GRPR: variants seen among roughly 807,000 people sequenced by gnomAD.
The protein encoded by GRPR is gastrin-releasing peptide receptor.
In GRPR, 4 loss-of-function variants were observed where a neutral mutation model predicts 15.6. The ratio of observed to expected loss-of-function variants is 0.26; its 90% CI spans 0.13 to 0.59. The LOEUF is 0.59. Ranked by LOEUF, GRPR falls within the 20% of genes least tolerant of loss-of-function variation. GRPR has a pLI of 0.90. For missense variants in GRPR, 270 were observed against 304.1 expected (o/e 0.89, Z 0.83); for synonymous variants, 128 against 126.8 (o/e 1.01, Z -0.06).
chrX:16,142,056 C>A (rs1373311614), intron 1 of GRPR, among the ~76,000 whole-genome samples: 1 of 111,851 alleles, frequency 8.9e-6, no homozygotes, highest in Non-Finnish European at 1.9e-5. Context: ...CCAAACCCCA[C>A]AGATTGTAGA....
intron 2 of GRPR, among the ~76,000 whole-genome samples, chrX:16,151,131 A>T (rs1211574999): frequency 8.9e-6 from 1 of 111,806 alleles, no homozygotes; most frequent in African/African-American, 3.2e-5. Context: ...CGCATGATGT[A>T]TTCAGCCTCT....
intron 1 of GRPR, among the ~76,000 whole-genome samples, chrX:16,125,162 GT>G (rs757859044): frequency 8.9e-6 from 1 of 112,463 alleles, no homozygotes; most frequent in Non-Finnish European, 1.9e-5. Flanking sequence ...TTGCATAAAA[GT>G]TTACGTTTAT....
At chrX:16,147,969 C>T (rs1439391154) in intron 1 of GRPR, among the ~76,000 whole-genome samples, 1 of 112,288 alleles carries the variant, frequency 8.9e-6, no homozygotes, top group Non-Finnish European at 1.9e-5. Flanking sequence ...TTCTTGCCTA[C>T]ATTCTAAGCT....
At chrX:16,142,958 C>T (rs1922551450) in intron 1 of GRPR, among the ~76,000 whole-genome samples, 2 of 110,415 alleles carry the variant, frequency 1.8e-5, no homozygotes, top group Non-Finnish European at 3.8e-5. Flanking sequence ...GCCTCCTTCT[C>T]TCCTATCCTC....
chrX:16,137,761 G>C (rs1206225921), intron 1 of GRPR, among the ~76,000 whole-genome samples: 3 of 111,583 alleles, frequency 2.7e-5, no homozygotes. Context: ...TGTGTGACTG[G>C]GAGCATGGCA....
intron 1 of GRPR, among the ~76,000 whole-genome samples, chrX:16,141,819 C>G (rs899299180): frequency 8.9e-6 from 1 of 112,029 alleles, no homozygotes; most frequent in Non-Finnish European, 1.9e-5. Flanking sequence ...AACTGAGGCT[C>G]ACCCACATCA....
Position 16,123,887 on chromosome X carries a change from G to T in GRPR, c.-67G>T. 1.1e-6 allele frequency: 1 copy of T among 901,394 alleles called. No individual in the cohort carries two copies. 74.3% of individuals were successfully genotyped at this position (901,394 alleles called of 1,213,427 possible). A position where few individuals can be genotyped will look rare whatever the true frequency, so the allele number is the denominator to read the frequency against. ...ATAGATCTTATCTTCATCTTCACTC[G>T]GTTGCAAAATCAATAGTTAAGAAAT... On this transcript the variant is annotated 5_prime_UTR_variant, in exon 1 of 3. Transcript: ENST00000380289.
Position 16,152,800 on chromosome X carries a change from A to G in GRPR, c.*155A>G, listed in dbSNP as rs1196707931. On this transcript the variant is annotated 3_prime_UTR_variant, in exon 3 of 3. Coordinates refer to ENST00000380289, the MANE Select transcript of GRPR (RefSeq NM_005314.3). ...GGGGAGGCCCAAATGATGGATCACC[A>G]TTATATTTTGAAAGAAGCCATCAAG... 8 of 493,506 alleles carry G rather than the reference A, an allele frequency of 1.6e-5. No homozygotes were observed. In the South Asian group the frequency reaches 2.2e-4, roughly 13 times the overall value. The allele number at this position is 493,506 out of a possible 1,213,427, so 40.7% of individuals were successfully genotyped here. A position where few individuals can be genotyped will look rare whatever the true frequency, so the allele number is the denominator to read the frequency against.
chrX:16,147,750 A>G (rs1295697040), intron 1 of GRPR, among the ~76,000 whole-genome samples: 1 of 112,399 alleles, frequency 8.9e-6, no homozygotes, highest in East Asian at 2.8e-4. Flanking sequence ...GATTCCTAAA[A>G]GAGAAGGACG....
At chrX:16,152,123 T>G (rs757119641) in intron 2 of GRPR, 133 bp from the exon 3 acceptor site, 1 of 575,218 alleles carries the variant, frequency 1.7e-6, no homozygotes, top group Admixed American at 2.4e-5. Flanking sequence ...TCTTTTTCGG[T>G]GGCTTTGTGA....
At chrX:16,147,876 T>G in intron 1 of GRPR, among the ~76,000 whole-genome samples, 1 of 111,594 alleles carries the variant, frequency 9.0e-6, no homozygotes, top group Non-Finnish European at 1.9e-5. Flanking sequence ...TCATTTTATC[T>G]CTAACAAATT....
chrX:16,142,664 AT>A (rs1243183149), intron 1 of GRPR, among the ~76,000 whole-genome samples: 3 of 111,620 alleles, frequency 2.7e-5, no homozygotes, highest in Non-Finnish European at 3.8e-5. Context: ...ATGTAGGTGT[AT>A]GTTCAATTTG....
At chrX:16,149,139 G>A (rs2353577) in intron 1 of GRPR, among the ~76,000 whole-genome samples, 46,672 of 110,879 alleles carry the variant, frequency 0.42, 8,330 homozygotes, top group African/African-American at 0.68. Flanking sequence ...TTTGTTCCTA[G>A]GCTTCCTGTT....
At chrX:16,127,040 G>A (rs1366910059) in intron 1 of GRPR, among the ~76,000 whole-genome samples, 1 of 111,326 alleles carries the variant, frequency 9.0e-6, no homozygotes, top group Non-Finnish European at 1.9e-5. Context: ...TAGGTAGATT[G>A]GTGAAAAAGT....
At chrX:16,139,995 C>G (rs17216963) in intron 1 of GRPR, among the ~76,000 whole-genome samples, 24,767 of 111,281 alleles carry the variant, frequency 0.22, 2,744 homozygotes, top group Middle Eastern at 0.35. Context: ...AGACAACATG[C>G]TTTCACAAAA....
rs1922740174 is a variant in GRPR, at chrX:16,152,957, G to C, written c.*312G>C. ...CTGTTAAATGGTCGTGGCCAATTATGTCATAGAAACTGTATGAACAACCAG... is the reference window on the plus strand; with the variant it reads ...CTGTTAAATGGTCGTGGCCAATTATCTCATAGAAACTGTATGAACAACCAG... On this transcript the variant is annotated 3_prime_UTR_variant, in exon 3 of 3. Coordinates refer to ENST00000380289, the MANE Select transcript of GRPR (RefSeq NM_005314.3). 1 of 309,110 alleles carries C rather than the reference G, an allele frequency of 3.2e-6. No homozygotes were observed. 25.5% of individuals were successfully genotyped at this position (309,110 alleles called of 1,213,427 possible).
At chrX:16,136,997 G>C (rs1922459149) in intron 1 of GRPR, among the ~76,000 whole-genome samples, 1 of 111,213 alleles carries the variant, frequency 9.0e-6, no homozygotes, top group African/African-American at 3.3e-5. Context: ...CTGATATAGA[G>C]TGTGCATGCT....
chrX:16,139,553 A>G, intron 1 of GRPR, among the ~76,000 whole-genome samples: 1 of 111,182 alleles, frequency 9.0e-6, no homozygotes, highest in East Asian at 2.8e-4. Flanking sequence ...CAGGGAAGCT[A>G]AAAGATTGGG....
Position 16,152,573 on chromosome X carries a change from CAA to C in GRPR, c.1084_1085del (p.Lys362GlufsTer10), listed in dbSNP as rs760783114. 8.3e-6 allele frequency: 10 copies of C among 1,204,372 alleles called. No homozygotes were observed. Among genetic ancestry groups the C allele is most frequent in the Admixed American group, 2.2e-5 (1 of 45,803 alleles). On this transcript the variant is annotated frameshift_variant, in exon 3 of 3. Coordinates refer to ENST00000380289, the MANE Select transcript of GRPR (RefSeq NM_005314.3). LOFTEE classifies it high-confidence loss of function. ...GRSTTCMTSL[K>X]STNPSVATFS... ...GGAGTACAACCTGCATGACCTCCCT[CAA>C]GAGTACCAACCCCTCCGTGGCCACC...
Sources: allele counts gnomAD v4.1 joint callset (sites outside exome capture counted in the v4.1 genomes callset), GRCh38; gene constraint gnomAD v4.1.1; transcripts MANE v1.5; gene names NCBI Gene and HGNC (gene_info 2026-07-23, HGNC 2026-07-21).